The following PCDH7 variants were observed in gnomAD, a reference collection of about 807,000 sequenced individuals.
PCDH7 encodes the protein protocadherin 7.
In PCDH7, 17 loss-of-function variants were observed where a neutral mutation model predicts 58.9. The ratio of observed to expected loss-of-function variants is 0.29; its 90% CI spans 0.20 to 0.43. PCDH7 has a LOEUF of 0.43. PCDH7 is among the 20% of genes least tolerant of loss of function. The pLI is 1.00. For missense variants in PCDH7, 1,274 were observed against 1,441.0 expected (o/e 0.88, Z 1.88); for synonymous variants, 664 against 616.4 (o/e 1.08, Z -1.14).
At chr4:30,838,250 A>AT (rs1357602338) in intron 1 of PCDH7, among the ~76,000 whole-genome samples, 1 of 152,032 alleles carries the variant, frequency 6.6e-6, no homozygotes, top group African/African-American at 2.4e-5. Flanking sequence ...AAAATAAAAC[A>AT]TTTTTTAAAG....
intron 3 of PCDH7, among the ~76,000 whole-genome samples, chr4:31,089,596 A>AATATTAAAT (rs1336874277): frequency 6.6e-6 from 1 of 152,074 alleles, no homozygotes; most frequent in African/African-American, 2.4e-5. Flanking sequence ...ACCATGTTTT[A>AATATTAAAT]ATATTAAATT....
intron 3 of PCDH7, among the ~76,000 whole-genome samples, chr4:30,969,614 A>G (rs547392319): frequency 1.2e-4 from 18 of 152,270 alleles, no homozygotes; most frequent in African/African-American, 4.1e-4. Context: ...AGATCTAAGA[A>G]TGCTTGGAAG....
At chr4:31,125,659 G>T (rs546328251) in intron 3 of PCDH7, among the ~76,000 whole-genome samples, 6 of 152,264 alleles carry the variant, frequency 3.9e-5, no homozygotes, top group Admixed American at 1.3e-4. Context: ...GCTAGGAAGT[G>T]GCAGTGAGCC....
chr4:30,767,255 A>G (rs1720873271), intron 1 of PCDH7, among the ~76,000 whole-genome samples: 1 of 152,180 alleles, frequency 6.6e-6, no homozygotes, highest in Non-Finnish European at 1.5e-5. Context: ...CTGAATATGG[A>G]GTCTTTGTTC....
At chr4:31,036,416 C>T (rs1380776212) in intron 3 of PCDH7, among the ~76,000 whole-genome samples, 2 of 152,106 alleles carry the variant, frequency 1.3e-5, no homozygotes, top group Non-Finnish European at 2.9e-5. Flanking sequence ...AAACTCCTGA[C>T]CTCAAGTTTT....
intron 1 of PCDH7, among the ~76,000 whole-genome samples, chr4:30,843,277 T>C (rs2109340147): frequency 6.6e-6 from 1 of 152,114 alleles, no homozygotes; most frequent in East Asian, 1.9e-4. Flanking sequence ...TCTGGGCTCA[T>C]TGTAATCTCC....
At chr4:30,724,873 A>G (rs1268530698) in intron 1 of PCDH7, 2 of 1,227,126 alleles carry the variant, frequency 1.6e-6, no homozygotes, top group Non-Finnish European at 2.1e-6. Context: ...TGACATCCCT[A>G]ATTCATACTA....
intron 1 of PCDH7, among the ~76,000 whole-genome samples, chr4:30,886,426 C>A (rs965322113): frequency 1.4e-5 from 2 of 148,126 alleles, no homozygotes; most frequent in Non-Finnish European, 3.0e-5. Flanking sequence ...CAATGAGATA[C>A]CATCTCACAC....
chr4:30,962,704 C>G (rs1578425293), intron 3 of PCDH7, among the ~76,000 whole-genome samples: 3 of 144,938 alleles, frequency 2.1e-5, no homozygotes, highest in African/African-American at 7.6e-5. Context: ...ATCACTTGAG[C>G]CTGGGAGGTT....
At chr4:30,757,347 A>G (rs1254858719) in intron 1 of PCDH7, among the ~76,000 whole-genome samples, 1 of 152,194 alleles carries the variant, frequency 6.6e-6, no homozygotes, top group African/African-American at 2.4e-5. Flanking sequence ...TGTGTGTAAA[A>G]GCCTTCAGTA....
At chr4:31,001,918 A>C (rs1047128189) in intron 3 of PCDH7, among the ~76,000 whole-genome samples, 2 of 152,232 alleles carry the variant, frequency 1.3e-5, no homozygotes, top group African/African-American at 4.8e-5. Context: ...ACCAATTGCA[A>C]ACAAGAACAA....
intron 3 of PCDH7, among the ~76,000 whole-genome samples, chr4:30,990,208 GA>G (rs199623215): frequency 6.7e-6 from 1 of 148,294 alleles, no homozygotes; most frequent in Admixed American, 6.7e-5. Context: ...GCCTAAAGAG[GA>G]AAAAAAAACA....
At chr4:31,057,981 A>C (rs1757389697) in intron 3 of PCDH7, among the ~76,000 whole-genome samples, 1 of 152,068 alleles carries the variant, frequency 6.6e-6, no homozygotes, top group South Asian at 2.1e-4. Context: ...CTCACAGGAG[A>C]GTCTTAGGAT....
intron 1 of PCDH7, among the ~76,000 whole-genome samples, chr4:30,918,574 GC>G (rs1742782450): frequency 6.6e-6 from 1 of 151,958 alleles, no homozygotes; most frequent in Non-Finnish European, 1.5e-5. Context: ...TAACATACAT[GC>G]TATGTATACT....
intron 3 of PCDH7, among the ~76,000 whole-genome samples, chr4:31,141,472 C>T (rs1173824461): frequency 6.6e-6 from 1 of 152,198 alleles, no homozygotes; most frequent in Non-Finnish European, 1.5e-5. Context: ...TTTTCTCTCT[C>T]CCATTCTCTC....
intron 3 of PCDH7, among the ~76,000 whole-genome samples, chr4:30,986,537 T>C (rs1750981268): frequency 6.6e-6 from 1 of 152,112 alleles, no homozygotes; most frequent in Non-Finnish European, 1.5e-5. Context: ...TAGATAATCC[T>C]GGTTTCACCT....
rs183810746 is a variant in PCDH7, at chr4:30,799,736, C to T, written c.70+75140C>T. ...TTAAAAGTTTTCTTTTTAAAATTCA[C>T]TTAGAAATCAAGGTTTCCTTACCAG... On this transcript the variant is annotated intron_variant, in intron 1 of 3. Transcript: ENST00000509759. Among the ~76,000 whole-genome samples the T allele has an allele frequency of 3.6e-3, 544 of 152,042 alleles. 1 individual carries two copies. The highest frequency in any genetic ancestry group is 0.013 in the African/African-American group (521 of 41,458).
rs146579892 is a variant in PCDH7, at chr4:31,020,939, T to C, written c.*7+70724T>C. Among the ~76,000 whole-genome samples, 13 of 152,374 alleles carry C rather than the reference T, an allele frequency of 8.5e-5. No individual in the cohort carries two copies. In the East Asian group the frequency reaches 2.5e-3, roughly 29 times the overall value. On this transcript the variant is annotated intron_variant, in intron 3 of 3. Transcript: ENST00000509759. The stretch of plus-strand genomic sequence containing the variant: ...TATTTTTTTCTCCTCCTCCGTTTTC[T>C]TTATTTTGCCTTCTGAATGGTAGAA...
chr4:30,847,402 A>G (rs1317623210), intron 1 of PCDH7, among the ~76,000 whole-genome samples: 3 of 152,100 alleles, frequency 2.0e-5, no homozygotes, highest in Non-Finnish European at 2.9e-5. Flanking sequence ...TTTAGAATAA[A>G]CATTTGGCTG....
Sources: allele counts gnomAD v4.1 joint callset (sites outside exome capture counted in the v4.1 genomes callset), GRCh38; gene constraint gnomAD v4.1.1; transcripts MANE v1.5; gene names NCBI Gene and HGNC (gene_info 2026-07-23, HGNC 2026-07-21).